Variants in VEPH1 observed in about 807,000 individuals in gnomAD.
VEPH1 encodes ventricular zone-expressed PH domain-containing protein homolog 1.
In VEPH1, 80 loss-of-function variants were observed where a neutral mutation model predicts 85.2. The observed-to-expected ratio is 0.94, with a 90% CI of 0.78 to 1.13. The LOEUF is 1.13. Ranked by LOEUF, VEPH1 falls within the 50% of genes most tolerant of loss-of-function variation. The pLI is 0.00. For missense variants in VEPH1, 955 were observed against 980.5 expected (o/e 0.97, Z 0.35); for synonymous variants, 297 against 348.0 (o/e 0.85, Z 1.63).
chr3:157,383,479 ATGT>A (rs1350600558), intron 6 of VEPH1, among the ~76,000 whole-genome samples: 2 of 152,228 alleles, frequency 1.3e-5, no homozygotes, highest in African/African-American at 4.8e-5. Flanking sequence ...TAAATAAAGT[ATGT>A]TGTTACAAAG....
chr3:157,352,243 T>A lies in VEPH1; in HGVS notation c.1735+11121A>T, dbSNP rs188870593. ...ACCACATATAGCAATTGTGAATATTTCCAGGGATAAGTTTCTGAAAAATAA... is the reference window on the plus strand; with the variant it reads ...ACCACATATAGCAATTGTGAATATTACCAGGGATAAGTTTCTGAAAAATAA... On this transcript the variant is annotated intron_variant, in intron 9 of 13. Transcript: ENST00000362010. Among the ~76,000 whole-genome samples the A allele has an allele frequency of 3.9e-4, 60 of 152,360 alleles. No individual in the cohort carries two copies. In the South Asian group the frequency reaches 9.1e-3, roughly 23 times the overall value.
Position 157,415,501 on chromosome 3 carries a change from T to A in VEPH1, c.697-1411A>T, listed in dbSNP as rs574615118. ...GGAGCTGAGATCACTGACCCAGGCATCCCACACATGGGTTATTCCAACAGC... is the reference window on the plus strand; with the variant it reads ...GGAGCTGAGATCACTGACCCAGGCAACCCACACATGGGTTATTCCAACAGC... On this transcript the variant is annotated intron_variant, in intron 5 of 13. Coordinates refer to ENST00000362010, the MANE Select transcript of VEPH1 (RefSeq NM_001167912.2). Among the ~76,000 whole-genome samples, 6 of 152,278 alleles carry A rather than the reference T, an allele frequency of 3.9e-5. No individual in the cohort carries two copies. The South Asian group carries it at 1.2e-3, about 32-fold the overall frequency.
At chr3:157,390,894 G>T (rs148162493) in intron 6 of VEPH1, among the ~76,000 whole-genome samples, 1 of 152,202 alleles carries the variant, frequency 6.6e-6, no homozygotes, top group Admixed American at 6.5e-5. Context: ...GGGGCTCCAT[G>T]GTTGCTGGCA....
At chr3:157,409,246 C>T (rs1197058613) in intron 6 of VEPH1, among the ~76,000 whole-genome samples, 1 of 152,090 alleles carries the variant, frequency 6.6e-6, no homozygotes, top group African/African-American at 2.4e-5. Context: ...TTGAGAAAGA[C>T]AAAATGACCC....
chr3:157,286,244 G>T (rs927645370), intron 12 of VEPH1: 6 of 282,152 alleles, frequency 2.1e-5, no homozygotes, highest in African/African-American at 1.3e-4. Context: ...CATCTTGAGA[G>T]AACACTTTTT....
At chr3:157,327,886 GGGAACA>G (rs1722093718) in intron 9 of VEPH1, among the ~76,000 whole-genome samples, 1 of 152,150 alleles carries the variant, frequency 6.6e-6, no homozygotes, top group South Asian at 2.1e-4. Flanking sequence ...CCCTGAGAGA[GGGAACA>G]AAGAGCCCTT....
intron 6 of VEPH1, among the ~76,000 whole-genome samples, chr3:157,407,219 GT>G (rs1384249820): frequency 3.3e-5 from 5 of 152,050 alleles, no homozygotes; most frequent in Admixed American, 2.0e-4. Context: ...CATCAACCTA[GT>G]TTGGGTTTAA....
At chr3:157,451,513 T>C (rs1734963314) in intron 4 of VEPH1, among the ~76,000 whole-genome samples, 1 of 152,158 alleles carries the variant, frequency 6.6e-6, no homozygotes, top group Non-Finnish European at 1.5e-5. Flanking sequence ...CCATTAATAA[T>C]AAGAGGTAGC....
intron 11 of VEPH1, among the ~76,000 whole-genome samples, chr3:157,301,648 C>T (rs1341243048): frequency 1.3e-5 from 2 of 152,192 alleles, no homozygotes; most frequent in Non-Finnish European, 2.9e-5. Context: ...GTTGAATGGA[C>T]ACTTATCTTG....
At chr3:157,431,803 C>T (rs1733179920) in intron 4 of VEPH1, among the ~76,000 whole-genome samples, 2 of 150,328 alleles carry the variant, frequency 1.3e-5, no homozygotes, top group South Asian at 4.2e-4. Context: ...TTTCATTTCC[C>T]AATTACTTGT....
intron 9 of VEPH1, among the ~76,000 whole-genome samples, chr3:157,350,726 T>C (rs904640190): frequency 3.3e-5 from 5 of 152,186 alleles, no homozygotes; most frequent in African/African-American, 1.2e-4. Context: ...GAACAGATAT[T>C]TCTCAAAAGA....
chr3:157,376,172 C>T (rs1728079874), intron 7 of VEPH1, among the ~76,000 whole-genome samples: 1 of 152,188 alleles, frequency 6.6e-6, no homozygotes, highest in South Asian at 2.1e-4. Context: ...GCTGCTTTCT[C>T]TCCACAATTT....
At chr3:157,429,110 A>G (rs1474756659) in intron 4 of VEPH1, among the ~76,000 whole-genome samples, 1 of 152,264 alleles carries the variant, frequency 6.6e-6, no homozygotes, top group Non-Finnish European at 1.5e-5. Context: ...AACTAGATTT[A>G]TAATGGCAAA....
intron 10 of VEPH1, 35 bp downstream of exon 10, chr3:157,317,027 C>A: frequency 6.3e-7 from 1 of 1,591,256 alleles, no homozygotes; most frequent in Non-Finnish European, 8.5e-7. Flanking sequence ...CCCAGAAGCT[C>A]ATTAAAGAGC....
chr3:157,343,330 A>T (rs1723805330), intron 9 of VEPH1, among the ~76,000 whole-genome samples: 1 of 152,242 alleles, frequency 6.6e-6, no homozygotes, highest in Non-Finnish European at 1.5e-5. Flanking sequence ...AGCAATAAAA[A>T]ATGATAAAGG....
chr3:157,295,365 G>A (rs530854285), intron 11 of VEPH1, among the ~76,000 whole-genome samples: 2 of 151,838 alleles, frequency 1.3e-5, no homozygotes, highest in Non-Finnish European at 2.9e-5. Context: ...CCAGGAGTTC[G>A]TGGAGGCAGT....
At position 157,428,360 on chromosome 3, in the gene VEPH1, G is replaced by T. The variant is rs149345647; in HGVS notation, c.658C>A (p.Arg220=). 3 of 1,613,646 alleles carry T rather than the reference G, an allele frequency of 1.9e-6. No homozygotes were observed. In the African/African-American group the frequency reaches 4.0e-5, roughly 22 times the overall value. The change falls in exon 5 of 14, where the codon CGG becomes AGG. Residue 220 remains arginine (R), a synonymous_variant. Coordinates refer to ENST00000362010, the MANE Select transcript of VEPH1 (RefSeq NM_001167912.2). ...LEQPEQYHLL[R]LLHVAAKKKQ... ...TTCTTTGCTGCTACATGCAAAAGCC[G>T]TAGTAGATGGTACTGTTCTGGCTGT...
intron 4 of VEPH1, among the ~76,000 whole-genome samples, chr3:157,431,978 G>A (rs28735781): frequency 0.13 from 19,527 of 151,734 alleles, 2,198 homozygotes; most frequent in African/African-American, 0.29. Flanking sequence ...CTCCCAAATA[G>A]CTGGGATTAC....
rs372644012 is a variant in VEPH1 at position 157,382,760 on chromosome 3, T to G, written c.907-1384A>C. On this transcript the variant is annotated intron_variant, in intron 6 of 13. Coordinates refer to ENST00000362010, the MANE Select transcript of VEPH1 (RefSeq NM_001167912.2). ...TTTCCTTCAAGGTGCAACTCTTCCA[T>G]GCAGCTGTCTCCAGTGACTCCTGTG... 4.2e-4 allele frequency among the ~76,000 whole-genome samples: 64 copies of G among 152,348 alleles called. 1 individual carries two copies. Among genetic ancestry groups the G allele is most frequent in the African/African-American group, 1.4e-3 (59 of 41,590 alleles).
Sources: gnomAD v4.1 joint callset for allele counts (sites outside exome capture counted in the v4.1 genomes callset) on GRCh38, gnomAD v4.1.1 for gene constraint, MANE v1.5 for transcripts, NCBI Gene and HGNC (gene_info 2026-07-23, HGNC 2026-07-21) for gene names.